TENM2: variants seen among roughly 807,000 people sequenced by gnomAD.
TENM2 encodes the protein teneurin transmembrane protein 2, also known as teneurin-2.
A neutral mutation model predicts 245.2 loss-of-function variants in TENM2; 52 were observed. That is an observed-to-expected ratio of 0.21 (90% CI 0.17 to 0.27). The LOEUF (loss-of-function observed/expected upper bound fraction) is 0.27, where lower values mean the gene tolerates loss of function less well. Ranked by LOEUF, TENM2 falls within the 10% of genes least tolerant of loss-of-function variation. TENM2 has a pLI of 1.00. For missense variants in TENM2, 3,046 were observed against 3,666.8 expected (o/e 0.83, Z 4.37); for synonymous variants, 1,363 against 1,438.9 (o/e 0.95, Z 1.19).
chr5:168,165,716 A>G (rs1263930376), intron 13 of TENM2: 4 of 133,878 alleles, frequency 3.0e-5, no homozygotes, highest in Admixed American at 8.3e-5. Flanking sequence ...CAAATGAGGC[A>G]GTGGTGATTA....
the TENM2 span, among the ~76,000 whole-genome samples, chr5:167,268,927 T>TAGATAGAC: frequency 6.0e-4 from 81 of 134,382 alleles, no homozygotes; most frequent in African/African-American, 9.6e-4. Flanking sequence ...GATAGATAGA[T>TAGATAGAC]AGACAGACAT....
chr5:167,344,694 A>G (rs1758352683), intron 1 of TENM2, among the ~76,000 whole-genome samples: 2 of 152,160 alleles, frequency 1.3e-5, no homozygotes, highest in South Asian at 2.1e-4. Context: ...TCTCATTCCT[A>G]TGGCTTCTTT....
At chr5:167,280,843 C>CA (rs1354267232), upstream of TENM2, among the ~76,000 whole-genome samples, 3 of 151,054 alleles carry the variant, frequency 2.0e-5, no homozygotes, top group Non-Finnish European at 4.4e-5. Context: ...ATATATATGG[C>CA]AAAAAGAAAC....
At chr5:167,363,730 C>CAAAAAAAAAAAA (rs10659741) in intron 1 of TENM2, among the ~76,000 whole-genome samples, 3 of 89,296 alleles carry the variant, frequency 3.4e-5, no homozygotes, top group African/African-American at 8.9e-5. Flanking sequence ...GACTCCATCT[C>CAAAAAAAAAAAA]AAAAAAAAAA....
At chr5:167,548,250 T>C (rs1287100226) in intron 2 of TENM2, among the ~76,000 whole-genome samples, 1 of 152,196 alleles carries the variant, frequency 6.6e-6, no homozygotes, top group African/African-American at 2.4e-5. Context: ...AAGGACTCTT[T>C]TGTGTTGACA....
chr5:167,442,583 GA>G lies in TENM2; in HGVS notation c.502+67120del, dbSNP rs141049715. On this transcript the variant is annotated intron_variant, in intron 2 of 28. Transcript: ENST00000518659. ...TGAACTTTTCTTGCCAATTTTATCA[GA>G]AAAAAAAAATCCTTTTAACTAGTAT... 9.9e-4 allele frequency among the ~76,000 whole-genome samples: 148 copies of G among 149,366 alleles called. 2 individuals carry two copies. The highest frequency in any genetic ancestry group is 2.2e-3 in the Admixed American group (33 of 15,024).
chr5:167,660,157 G>C (rs1755107830), intron 2 of TENM2: 1 of 152,016 alleles, frequency 6.6e-6, no homozygotes, highest in Admixed American at 6.6e-5. Flanking sequence ...GAGGGCTGTA[G>C]AATGTCCTTA....
intron 2 of TENM2, among the ~76,000 whole-genome samples, chr5:167,723,887 C>T (rs60161912): frequency 0.097 from 14,791 of 152,236 alleles, 1,285 homozygotes; most frequent in East Asian, 0.4. Flanking sequence ...GGGATTTGCA[C>T]TCTGCTAAGG....
chr5:167,668,745 A>C (rs1294515559), intron 2 of TENM2, among the ~76,000 whole-genome samples: 1 of 152,184 alleles, frequency 6.6e-6, no homozygotes, highest in Non-Finnish European at 1.5e-5. Flanking sequence ...GCTTGAGTTT[A>C]GGAGTTCTAA....
chr5:167,295,024 G>A (rs1754869678), intron 1 of TENM2, among the ~76,000 whole-genome samples: 1 of 152,140 alleles, frequency 6.6e-6, no homozygotes. Flanking sequence ...CTCTTGATGA[G>A]TGACTCAGCA....
At chr5:168,251,921 G>A (rs1767143084) in intron 27 of TENM2, among the ~76,000 whole-genome samples, 1 of 152,220 alleles carries the variant, frequency 6.6e-6, no homozygotes, top group Admixed American at 6.5e-5. Context: ...AGACATCTGG[G>A]CAGGAACACA....
chr5:167,518,256 T>A (rs1770527786), intron 2 of TENM2, among the ~76,000 whole-genome samples: 1 of 152,186 alleles, frequency 6.6e-6, no homozygotes, highest in Non-Finnish European at 1.5e-5. Flanking sequence ...ACTTTCTGTC[T>A]AATGACGCCA....
At chr5:167,990,437 T>C (rs1350459833) in intron 4 of TENM2, among the ~76,000 whole-genome samples, 1 of 152,190 alleles carries the variant, frequency 6.6e-6, no homozygotes, top group Non-Finnish European at 1.5e-5. Context: ...GTAGGATTAG[T>C]GATGCTTTTC....
the TENM2 span, among the ~76,000 whole-genome samples, chr5:167,272,988 G>T: frequency 6.6e-6 from 1 of 151,814 alleles, no homozygotes; most frequent in Non-Finnish European, 1.5e-5. Flanking sequence ...AGGTACACAG[G>T]TACACTCATA....
intron 1 of TENM2, chr5:167,307,946 T>TA (rs984972727): frequency 5.9e-5 from 9 of 152,288 alleles, no homozygotes; most frequent in African/African-American, 2.2e-4. Context: ...CCTTGTTAAG[T>TA]GATGGGGTGG....
At chr5:166,988,281 A>T in the TENM2 span, among the ~76,000 whole-genome samples, 2 of 152,088 alleles carry the variant, frequency 1.3e-5, no homozygotes, top group Admixed American at 1.3e-4. Context: ...TTCCTTGTTG[A>T]TCTGAATCAG....
chr5:167,307,492 C>T (rs529667515), intron 1 of TENM2, among the ~76,000 whole-genome samples: 40 of 152,230 alleles, frequency 2.6e-4, no homozygotes, highest in African/African-American at 3.4e-4. Flanking sequence ...AAAAATGCCA[C>T]GACCACCGAA....
At chr5:167,702,452 G>C (rs997770350) in intron 2 of TENM2, among the ~76,000 whole-genome samples, 1 of 151,304 alleles carries the variant, frequency 6.6e-6, no homozygotes, top group Non-Finnish European at 1.5e-5. Context: ...TATGATTTGG[G>C]TCTTGTGTGT....
chr5:167,039,410 G>T, the TENM2 span, among the ~76,000 whole-genome samples: 2 of 152,126 alleles, frequency 1.3e-5, no homozygotes, highest in African/African-American at 4.8e-5. Flanking sequence ...GTCCTCGAAG[G>T]CGCACTGGCC....
Sources: allele counts gnomAD v4.1 joint callset (sites outside exome capture counted in the v4.1 genomes callset), GRCh38; gene constraint gnomAD v4.1.1; transcripts MANE v1.5; gene names NCBI Gene and HGNC (gene_info 2026-07-23, HGNC 2026-07-21).